Variants in SMG1 observed in about 807,000 individuals in gnomAD.
SMG1 encodes serine/threonine-protein kinase SMG1.
In SMG1, 22 loss-of-function variants were observed where a neutral mutation model predicts 419.9. The ratio of observed to expected loss-of-function variants is 0.05; its 90% CI spans 0.04 to 0.07. SMG1 has a LOEUF of 0.07. Among genes scored for constraint, SMG1 ranks in the 10% least tolerant of loss-of-function variants. The pLI is 1.00. For missense variants in SMG1, 3,185 were observed against 4,342.0 expected (o/e 0.73, Z 7.49); for synonymous variants, 1,538 against 1,553.5 (o/e 0.99, Z 0.23).
intron 11 of SMG1, 61 bp downstream of exon 11, chr16:18,879,434 A>C: frequency 1.6e-6 from 2 of 1,222,946 alleles, no homozygotes; most frequent in Non-Finnish European, 1.2e-6. Flanking sequence ...AATTTCTTAC[A>C]TATCGATTTA....
chr16:18,903,603 C>T (rs1242744590), intron 1 of SMG1, among the ~76,000 whole-genome samples: 1 of 152,186 alleles, frequency 6.6e-6, no homozygotes, highest in Admixed American at 6.6e-5. Context: ...GGCAACTGAT[C>T]CAAGCAGTTT....
At chr16:18,918,327 T>C (rs371953339) in intron 1 of SMG1, among the ~76,000 whole-genome samples, 2 of 152,178 alleles carry the variant, frequency 1.3e-5, no homozygotes, top group Non-Finnish European at 2.9e-5. Context: ...AGGCCTACAA[T>C]AGGGTTCCCA....
rs869238782 is a variant in SMG1, at chr16:18,821,221, C to CTTTTTTTTTTT, written c.9742-1578_9742-1568dup. Among the ~76,000 whole-genome samples the CTTTTTTTTTTT allele has an allele frequency of 9.3e-3, 330 of 35,468 alleles. 1 individual carries two copies. The highest frequency in any genetic ancestry group is 0.013 in the Non-Finnish European group (237 of 18,068). 23.3% of individuals were successfully genotyped at this position (35,468 alleles called of 152,430 possible). On this transcript the variant is annotated intron_variant, in intron 55 of 62. Coordinates refer to ENST00000446231, the MANE Select transcript of SMG1 (RefSeq NM_015092.5). The stretch of plus-strand genomic sequence containing the variant: ...AAAACCTGAGATATTTAGTATGTTT[C>CTTTTTTTTTTT]TTTTTTTTTTTTTTTTTTTCTTTTT...
chr16:18,855,494 T>C (rs181756613), intron 29 of SMG1, among the ~76,000 whole-genome samples: 142 of 152,298 alleles, frequency 9.3e-4, no homozygotes, highest in African/African-American at 3.3e-3. Context: ...CAACTGGTCA[T>C]CTACACTCTA....
At chr16:18,840,174 G>A (rs1046010387) in intron 41 of SMG1, among the ~76,000 whole-genome samples, 7 of 151,888 alleles carry the variant, frequency 4.6e-5, no homozygotes, top group African/African-American at 1.7e-4. Context: ...TTGAAAAATT[G>A]GTCTACTGTT....
At position 18,876,626 on chromosome 16, in the gene SMG1, T is replaced by A. The variant is rs1401512666; in HGVS notation, c.1621-233A>T. On this transcript the variant is annotated intron_variant, in intron 12 of 62. Coordinates refer to ENST00000446231, the MANE Select transcript of SMG1 (RefSeq NM_015092.5). ...GTTTTATCACAAATACAGAGTACTATAAATGAAAACTGTCAATATGAAATT... is the reference window on the plus strand; with the variant it reads ...GTTTTATCACAAATACAGAGTACTAAAAATGAAAACTGTCAATATGAAATT... 2.7e-5 allele frequency among the ~76,000 whole-genome samples: 4 copies of A among 150,478 alleles called. No homozygotes were observed. In the Admixed American group the frequency reaches 2.7e-4, roughly 10 times the overall value.
At chr16:18,885,348 T>C in intron 7 of SMG1, 186 bp from the exon 8 acceptor site, 1 of 730,730 alleles carries the variant, frequency 1.4e-6, no homozygotes, top group Non-Finnish European at 2.3e-6. Context: ...AACAATGAAA[T>C]AGTTTATTTT....
intron 1 of SMG1, chr16:18,911,250 TCC>T (rs893489618): frequency 6.6e-6 from 1 of 152,188 alleles, no homozygotes; most frequent in Non-Finnish European, 1.5e-5. Context: ...ACACCTGTAA[TCC>T]CAGCACCTTG....
Position 18,809,514 on chromosome 16 carries a change from T to G in SMG1, c.*55A>C. Reference sequence around the variant, plus strand: ...TGGCTTTGGATGCCTGAGGCTGAGTTGATTCTGGTGGATGTCTGACCTCGC... The same window carrying G: ...TGGCTTTGGATGCCTGAGGCTGAGTGGATTCTGGTGGATGTCTGACCTCGC... On this transcript the variant is annotated 3_prime_UTR_variant, in exon 63 of 63. Coordinates refer to ENST00000446231, the MANE Select transcript of SMG1 (RefSeq NM_015092.5). 7.2e-7 allele frequency: 1 copy of G among 1,381,242 alleles called. No individual in the cohort carries two copies. Among genetic ancestry groups the G allele is most frequent in the Non-Finnish European group, 1.0e-6 (1 of 981,312 alleles). 85.6% of individuals were successfully genotyped at this position (1,381,242 alleles called of 1,614,324 possible). A position where few individuals can be genotyped will look rare whatever the true frequency, so the allele number is the denominator to read the frequency against.
intron 60 of SMG1, among the ~76,000 whole-genome samples, chr16:18,814,065 AAAT>A (rs1489662485): frequency 6.7e-6 from 1 of 148,326 alleles, no homozygotes; most frequent in Non-Finnish European, 1.5e-5. Context: ...AATTAAAAAA[AAAT>A]AAAATAAAAT....
chr16:18,835,648 G>GT (rs1455800369), intron 48 of SMG1, among the ~76,000 whole-genome samples: 1 of 152,118 alleles, frequency 6.6e-6, no homozygotes, highest in Non-Finnish European at 1.5e-5. Flanking sequence ...GCTCACGCCT[G>GT]TAATCCCAGA....
intron 31 of SMG1, 39 bp downstream of exon 31, chr16:18,853,544 T>A (rs1320871777): frequency 1.4e-6 from 2 of 1,453,630 alleles, no homozygotes; most frequent in South Asian, 1.5e-5. Context: ...AAATATAGCT[T>A]CTAAAATTAA....
intron 55 of SMG1, among the ~76,000 whole-genome samples, chr16:18,821,221 C>CTTTTTTTTTTTTTTTTTTTTTTTTT (rs869238782): frequency 7.3e-4 from 26 of 35,590 alleles, no homozygotes; most frequent in East Asian, 2.4e-3. Context: ...TAGTATGTTT[C>CTTTTTTTTTTTTTTTTTTTTTTTTT]TTTTTTTTTT....
rs1032838307 is a variant in SMG1, at chr16:18,836,142, G to A, written c.7848C>T (p.Cys2616=). Residue 2616 remains cysteine (C), a synonymous_variant, in exon 48 of 63, where the codon TGC becomes TGT. Coordinates refer to ENST00000446231, the MANE Select transcript of SMG1 (RefSeq NM_015092.5). ...NAGQAHLISQ[C]EQLEGEVGAL... is the part of the protein sequence containing the mutation. ...CACCAACCTCCCCCTCCAGCTGCTC[G>A]CACTGGCTAATCAAGTGGGCCTGAC... is the stretch of plus-strand genomic sequence containing the variant. 4.3e-6 allele frequency: 7 copies of A among 1,610,378 alleles called. No homozygotes were observed. Among genetic ancestry groups the A allele is most frequent in the East Asian group, 4.5e-5 (2 of 44,742 alleles).
chr16:18,812,135 G>T lies in SMG1; in HGVS notation c.10622-8C>A. Reference sequence around the variant, plus strand: ...CAGTGTTACTCCGGACTGCTACAGAGAAAGAGTTGGTGGCTCAATTTACAT... The same window carrying T: ...CAGTGTTACTCCGGACTGCTACAGATAAAGAGTTGGTGGCTCAATTTACAT... On this transcript the variant is annotated splice_region_variant and splice_polypyrimidine_tract_variant and intron_variant, in intron 60 of 62. Coordinates refer to ENST00000446231, the MANE Select transcript of SMG1 (RefSeq NM_015092.5). 6.2e-7 allele frequency: 1 copy of T among 1,607,336 alleles called. No individual in the cohort carries two copies. The highest frequency in any genetic ancestry group is 1.1e-5 in the South Asian group (1 of 89,906).
At position 18,866,736 on chromosome 16, in the gene SMG1, C is replaced by T; in HGVS notation, c.3235G>A (p.Ala1079Thr). The part of the protein sequence containing the change: ...LEVTIMMVVE[A>T]LCELHCPEAI... ...TCAGGACAATGAAGTTCACATAATGCTTCTACCACCATCATAATGGTTACT... is the reference window on the plus strand; with the variant it reads ...TCAGGACAATGAAGTTCACATAATGTTTCTACCACCATCATAATGGTTACT... Residue 1079 changes from alanine (A) to threonine (T), a missense_variant, in exon 23 of 63, where the codon GCA becomes ACA. Transcript: ENST00000446231. 1 of 1,597,262 alleles carries T rather than the reference C, an allele frequency of 6.3e-7. No individual in the cohort carries two copies.
intron 1 of SMG1, among the ~76,000 whole-genome samples, chr16:18,924,295 G>T (rs2038307203): frequency 6.6e-6 from 1 of 152,166 alleles, no homozygotes; most frequent in Non-Finnish European, 1.5e-5. Context: ...TGTCAGCAAT[G>T]AAGTCAGCTG....
intron 36 of SMG1, among the ~76,000 whole-genome samples, chr16:18,848,441 G>A (rs970214133): frequency 6.6e-6 from 1 of 151,410 alleles, no homozygotes; most frequent in Admixed American, 6.6e-5. Context: ...TCAGCCTCCT[G>A]AATAGCTGGG....
Position 18,807,263 on chromosome 16 carries a change from G to A in SMG1, c.*2306C>T, listed in dbSNP as rs760934664. ...ACTAATGTGAACTGACTATCATTGC[G>A]ATAAAAGTTTTTCCTTATGATGACA... is the stretch of plus-strand genomic sequence containing the variant. On this transcript the variant is annotated 3_prime_UTR_variant, in exon 63 of 63. Transcript: ENST00000446231. 4.6e-5 allele frequency: 7 copies of A among 152,112 alleles called. No homozygotes were observed. The highest frequency in any genetic ancestry group is 2.0e-4 in the Admixed American group (3 of 15,262). The allele number at this position is 152,112 out of a possible 1,614,324, so 9.4% of individuals were successfully genotyped here.
Sources: allele counts gnomAD v4.1 joint callset (sites outside exome capture counted in the v4.1 genomes callset), GRCh38; gene constraint gnomAD v4.1.1; transcripts MANE v1.5; gene names NCBI Gene and HGNC (gene_info 2026-07-23, HGNC 2026-07-21).